Variants in DAB1 observed in about 807,000 individuals in gnomAD.
The protein encoded by DAB1 is DAB adaptor protein 1, also known as disabled homolog 1.
Under a neutral mutation model 64.6 loss-of-function variants are expected in DAB1, and 15 were observed. That is an observed-to-expected ratio of 0.23 (90% CI 0.16 to 0.36). The LOEUF (loss-of-function observed/expected upper bound fraction) is 0.36, where lower values mean the gene tolerates loss of function less well. Among genes scored for constraint, DAB1 ranks in the 10% least tolerant of loss-of-function variants. The pLI is 1.00. For missense variants in DAB1, 596 were observed against 706.7 expected (o/e 0.84, Z 1.78); for synonymous variants, 235 against 251.9 (o/e 0.93, Z 0.64).
rs372331156 is a variant in DAB1, at chr1:58,377,541, A to G, written n.258-34138T>C. 7.4e-4 allele frequency among the ~76,000 whole-genome samples: 102 copies of G among 138,490 alleles called. 7 individuals are homozygous for G. In the East Asian group the frequency reaches 0.019, roughly 26 times the overall value. The allele number at this position is 138,490 out of a possible 152,430, so 90.9% of individuals were successfully genotyped here. On this transcript the variant is annotated intron_variant and non_coding_transcript_variant, in intron 3 of 20. Transcript: ENST00000485760. ...CTTCTGGCTTGTAGGGTTTCTGCCAAGAGATCTGCTGTTAGTCTGATGGGC... is the reference window on the plus strand; with the variant it reads ...CTTCTGGCTTGTAGGGTTTCTGCCAGGAGATCTGCTGTTAGTCTGATGGGC...
intron 7 of DAB1, among the ~76,000 whole-genome samples, chr1:57,510,391 G>A (rs1644392965): frequency 6.6e-6 from 1 of 152,116 alleles, no homozygotes; most frequent in South Asian, 2.1e-4. Context: ...GTTCTTGGCT[G>A]GCTCCTCCTC....
intron 6 of DAB1, among the ~76,000 whole-genome samples, chr1:57,758,840 C>A (rs940699360): frequency 4.6e-5 from 7 of 152,142 alleles, no homozygotes; most frequent in African/African-American, 1.2e-4. Context: ...AGTAATTGAA[C>A]CTACTTTTGT....
intron 7 of DAB1, among the ~76,000 whole-genome samples, chr1:57,606,450 TATATGAAATATATAATAC>T (rs1160181668): frequency 5.4e-4 from 66 of 122,550 alleles, no homozygotes; most frequent in Middle Eastern, 4.1e-3. Flanking sequence ...ATATATAATA[TATATGAAATATATAATAC>T]ATATGAAATA....
chr1:58,281,119 AG>A (rs898412439), intron 4 of DAB1, among the ~76,000 whole-genome samples: 1 of 152,208 alleles, frequency 6.6e-6, no homozygotes, highest in African/African-American at 2.4e-5. Flanking sequence ...TCAAGCACGA[AG>A]GACAGTAATG....
upstream of DAB1, among the ~76,000 whole-genome samples, chr1:57,888,554 A>G (rs1301314531): frequency 6.6e-6 from 1 of 152,216 alleles, no homozygotes; most frequent in Non-Finnish European, 1.5e-5. Flanking sequence ...AATTGAAAAA[A>G]GAAACAAAAT....
chr1:58,033,965 T>C (rs1647007594), intron 5 of DAB1, among the ~76,000 whole-genome samples: 1 of 151,762 alleles, frequency 6.6e-6, no homozygotes, highest in Non-Finnish European at 1.5e-5. Flanking sequence ...GTGGCGAGAG[T>C]TGTAATTCTA....
intron 1 of DAB1, among the ~76,000 whole-genome samples, chr1:57,374,097 G>A (rs1680711902): frequency 2.0e-5 from 3 of 152,166 alleles, no homozygotes; most frequent in Admixed American, 6.5e-5. Flanking sequence ...GGCATGCTAA[G>A]TTTACCTGTG....
chr1:57,595,425 G>T (rs1298708290), intron 7 of DAB1, among the ~76,000 whole-genome samples: 3 of 151,540 alleles, frequency 2.0e-5, no homozygotes, highest in African/African-American at 7.3e-5. Flanking sequence ...AGAAAGGAAA[G>T]TGAGCACCTG....
At chr1:57,149,574 C>A (rs963763565) in intron 2 of DAB1, among the ~76,000 whole-genome samples, 2 of 152,132 alleles carry the variant, frequency 1.3e-5, no homozygotes, top group African/African-American at 2.4e-5. Flanking sequence ...TTGCATTTCC[C>A]TAAGGAGTAA....
At chr1:57,767,201 G>A (rs1275433411) in intron 6 of DAB1, among the ~76,000 whole-genome samples, 1 of 152,104 alleles carries the variant, frequency 6.6e-6, no homozygotes, top group Non-Finnish European at 1.5e-5. Flanking sequence ...TAGTCACCTG[G>A]TTGGATCCTC....
intron 1 of DAB1, among the ~76,000 whole-genome samples, chr1:57,321,525 A>C (rs994602494): frequency 1.3e-5 from 2 of 152,176 alleles, no homozygotes; most frequent in East Asian, 3.9e-4. Context: ...CAGACTTTTT[A>C]TACATGGGCG....
At chr1:58,220,737 T>C (rs1257244681) in intron 4 of DAB1, among the ~76,000 whole-genome samples, 2 of 152,090 alleles carry the variant, frequency 1.3e-5, no homozygotes, top group South Asian at 4.1e-4. Flanking sequence ...ACCCTTATTA[T>C]AGAGTTTCTG....
chr1:57,785,033 C>T (rs1438461140), intron 6 of DAB1, among the ~76,000 whole-genome samples: 1 of 152,146 alleles, frequency 6.6e-6, no homozygotes, highest in Non-Finnish European at 1.5e-5. Context: ...GAAACCAATA[C>T]TCATTTAGTA....
At chr1:57,566,152 GAAC>G (rs1159350261) in intron 7 of DAB1, among the ~76,000 whole-genome samples, 1 of 152,164 alleles carries the variant, frequency 6.6e-6, no homozygotes, top group East Asian at 1.9e-4. Flanking sequence ...CATGGCAACT[GAAC>G]AACATGCTCC....
Position 58,520,273 on chromosome 1 carries a change from G to A in DAB1, n.107+6988C>T, listed in dbSNP as rs368082712. Among the ~76,000 whole-genome samples the A allele has an allele frequency of 5.3e-5, 8 of 152,178 alleles. No individual in the cohort carries two copies. In the East Asian group the frequency reaches 1.4e-3, roughly 26 times the overall value. ...GTTGAAAAAAATAAAAAATAAAAGAGCAAGCCACAGAATGAAAGAAAACAC... is the reference window on the plus strand; with the variant it reads ...GTTGAAAAAAATAAAAAATAAAAGAACAAGCCACAGAATGAAAGAAAACAC... On this transcript the variant is annotated intron_variant and non_coding_transcript_variant, in intron 2 of 20. Transcript: ENST00000485760.
At chr1:57,064,059 A>T (rs1426756549) in intron 8 of DAB1, among the ~76,000 whole-genome samples, 1 of 152,246 alleles carries the variant, frequency 6.6e-6, no homozygotes, top group Non-Finnish European at 1.5e-5. Flanking sequence ...GTCTGCTGAG[A>T]CATATGGTAA....
chr1:58,179,123 G>A (rs981876163), intron 4 of DAB1, among the ~76,000 whole-genome samples: 1 of 151,256 alleles, frequency 6.6e-6, no homozygotes, highest in Non-Finnish European at 1.5e-5. Context: ...TATTAATATG[G>A]TATATTATGT....
intron 5 of DAB1, among the ~76,000 whole-genome samples, chr1:58,073,298 C>T (rs180807341): frequency 6.6e-6 from 1 of 152,318 alleles, no homozygotes; most frequent in South Asian, 2.1e-4. Context: ...ACCTTCCCAA[C>T]TGATTAAATT....
At chr1:58,205,162 G>A (rs1017884462) in intron 4 of DAB1, among the ~76,000 whole-genome samples, 1 of 152,176 alleles carries the variant, frequency 6.6e-6, no homozygotes, top group Non-Finnish European at 1.5e-5. Flanking sequence ...AGCAGCACAT[G>A]CTAGAATTCT....
Sources: gnomAD v4.1 joint callset for allele counts (sites outside exome capture counted in the v4.1 genomes callset) on GRCh38, gnomAD v4.1.1 for gene constraint, MANE v1.5 for transcripts, NCBI Gene and HGNC (gene_info 2026-07-23, HGNC 2026-07-21) for gene names.